RIC1: variants seen among roughly 807,000 people sequenced by gnomAD.
The protein encoded by RIC1 is RIC1 partner of RAB6A GEF complex.
Under a neutral mutation model 169.0 loss-of-function variants are expected in RIC1, and 88 were observed. The ratio of observed to expected loss-of-function variants is 0.52; its 90% CI spans 0.44 to 0.62. The LOEUF is 0.62. Ranked by LOEUF, RIC1 falls within the 20% of genes least tolerant of loss-of-function variation. The probability of loss-of-function intolerance (pLI) is 0.00; values close to 1 mark genes in which losing one functional copy is unlikely to be tolerated. For synonymous variants in RIC1, 790 were observed against 601.5 expected (o/e 1.31, Z -4.59); for missense variants, 1,877 against 1,725.5 (o/e 1.09, Z -1.56).
chr9:5,760,336 T>A (rs1221294644), intron 17 of RIC1, among the ~76,000 whole-genome samples: 2 of 152,210 alleles, frequency 1.3e-5, no homozygotes, highest in African/African-American at 4.8e-5. Flanking sequence ...GCTGTTGCAG[T>A]CATCTTTAAC....
chr9:5,669,920 T>C (rs1819992340), intron 2 of RIC1, among the ~76,000 whole-genome samples: 1 of 152,128 alleles, frequency 6.6e-6, no homozygotes, highest in African/African-American at 2.4e-5. Flanking sequence ...AGCCACCTAA[T>C]CAGATATCAA....
intron 8 of RIC1, among the ~76,000 whole-genome samples, chr9:5,738,955 A>G (rs569476721): frequency 1.3e-5 from 2 of 152,120 alleles, no homozygotes; most frequent in African/African-American, 2.4e-5. Context: ...GGCCCCTGCT[A>G]CCTCCGGATC....
Position 5,636,469 on chromosome 9 carries a change from G to A in RIC1, c.144+7016G>A, listed in dbSNP as rs534528499. On this transcript the variant is annotated intron_variant, in intron 1 of 25. Transcript: ENST00000414202. ...TGAGTAGCTGGGATTACAGGTGCCTGCCACCATACCCGGCTAATTTTTGTA... is the reference window on the plus strand; with the variant it reads ...TGAGTAGCTGGGATTACAGGTGCCTACCACCATACCCGGCTAATTTTTGTA... 1.3e-3 allele frequency among the ~76,000 whole-genome samples: 196 copies of A among 152,106 alleles called. 2 individuals carry two copies. The highest frequency in any genetic ancestry group is 4.3e-3 in the African/African-American group (180 of 41,510).
In RIC1 at chr9:5,769,675, T is replaced by C. The variant is rs552032363; in HGVS notation, c.3425-412T>C. ...AGAGGACAAACTGAAAGTGTATATT[T>C]TGGTGAAATAAAAATTTAAAGTTTT... On this transcript the variant is annotated intron_variant, in intron 22 of 25. Coordinates refer to ENST00000414202, the MANE Select transcript of RIC1 (RefSeq NM_020829.4). 3.8e-5 allele frequency: 10 copies of C among 266,108 alleles called. No homozygotes were observed. In the South Asian group the frequency reaches 7.7e-4, roughly 20 times the overall value. 16.5% of individuals were successfully genotyped at this position (266,108 alleles called of 1,614,324 possible).
chr9:5,674,529 G>C (rs924156915), intron 2 of RIC1, among the ~76,000 whole-genome samples: 3 of 151,988 alleles, frequency 2.0e-5, no homozygotes, highest in Non-Finnish European at 4.4e-5. Flanking sequence ...ACTCCAAAAG[G>C]GAAAAAATAA....
intron 17 of RIC1, among the ~76,000 whole-genome samples, chr9:5,761,181 T>G (rs1260972583): frequency 6.7e-6 from 1 of 149,018 alleles, no homozygotes; most frequent in African/African-American, 2.5e-5. Context: ...TGGTGCAATC[T>G]TGGCTCACTG....
intron 1 of RIC1, among the ~76,000 whole-genome samples, chr9:5,642,243 T>TCC (rs1818286477): frequency 1.4e-5 from 2 of 144,386 alleles, no homozygotes; most frequent in Non-Finnish European, 3.0e-5. Flanking sequence ...ACAAATGGAG[T>TCC]CTCTCTCTGT....
chr9:5,654,474 C>T (rs1023163056), intron 1 of RIC1, among the ~76,000 whole-genome samples: 3 of 152,150 alleles, frequency 2.0e-5, no homozygotes, highest in African/African-American at 7.2e-5. Context: ...TCTCGAACTC[C>T]TGACCTCAGG....
chr9:5,630,406 C>T (rs1817663320), intron 1 of RIC1, among the ~76,000 whole-genome samples: 2 of 152,098 alleles, frequency 1.3e-5, no homozygotes, highest in South Asian at 4.1e-4. Flanking sequence ...TTAATTTGAC[C>T]ATGTGGGGAT....
At chr9:5,671,353 C>G (rs1379586384) in intron 2 of RIC1, among the ~76,000 whole-genome samples, 1 of 151,632 alleles carries the variant, frequency 6.6e-6, no homozygotes, top group African/African-American at 2.4e-5. Context: ...CTGCTCACTG[C>G]AACCTCCGCC....
At chr9:5,693,359 A>G (rs1821697702) in intron 3 of RIC1, among the ~76,000 whole-genome samples, 1 of 152,154 alleles carries the variant, frequency 6.6e-6, no homozygotes, top group Non-Finnish European at 1.5e-5. Context: ...AACACAGTTC[A>G]GATGCCTCAT....
chr9:5,661,423 G>A (rs1035825360), intron 2 of RIC1, among the ~76,000 whole-genome samples: 20 of 152,270 alleles, frequency 1.3e-4, no homozygotes, highest in Admixed American at 3.9e-4. Flanking sequence ...ATTACTTTGG[G>A]TAGTATAACC....
rs1824428149 is a variant in RIC1 at position 5,732,489 on chromosome 9, A to C, written c.812+10A>C. ...CATTTGGCTGTGTGAGGTATAATTG[A>C]TGTAGGCTTTTGCATTTTTAAGAGT... On this transcript the variant is annotated intron_variant, in intron 7 of 25. Coordinates refer to ENST00000414202, the MANE Select transcript of RIC1 (RefSeq NM_020829.4). 11 of 1,560,638 alleles carry C rather than the reference A, an allele frequency of 7.0e-6. No individual in the cohort carries two copies. The highest frequency in any genetic ancestry group is 9.6e-6 in the Non-Finnish European group (11 of 1,149,620).
In RIC1 at chr9:5,690,014, A is replaced by G. The variant is rs931956772; in HGVS notation, c.308A>G (p.Tyr103Cys). ...ATTACATCTACAAGAGGGGACAAGT[A>G]CCTTTATGAACCAGTGTATCCCAAG... Reference protein sequence around the residue: ...FHITSTRGDKYLYEPVYPKGS... With the variant: ...FHITSTRGDKCLYEPVYPKGS... Residue 103 changes from tyrosine to cysteine, a missense_variant, in exon 3 of 26, where the codon TAC becomes TGC. Physicochemically the swap from Tyr to Cys is radical, Grantham distance 194. This residue lies in a region of RIC1 where 1,104 missense variants were observed against 992.0 expected (regional missense o/e 1.11). Coordinates refer to ENST00000414202, the MANE Select transcript of RIC1 (RefSeq NM_020829.4). 2 of 1,599,618 alleles carry G rather than the reference A, an allele frequency of 1.3e-6. No homozygotes were observed. Among genetic ancestry groups the G allele is most frequent in the Non-Finnish European group, 1.7e-6 (2 of 1,174,820 alleles).
At chr9:5,729,556 T>G (rs550014989) in intron 6 of RIC1, among the ~76,000 whole-genome samples, 5 of 152,300 alleles carry the variant, frequency 3.3e-5, no homozygotes, top group East Asian at 1.9e-4. Flanking sequence ...CTTTGCTGCT[T>G]TATGTTTTTT....
At chr9:5,752,580 A>G (rs1411320926) in intron 12 of RIC1, among the ~76,000 whole-genome samples, 7 of 151,920 alleles carry the variant, frequency 4.6e-5, no homozygotes, top group African/African-American at 7.3e-5. Flanking sequence ...AGTTGGGACT[A>G]CAGGCATGCA....
chr9:5,769,124 C>A lies in RIC1; in HGVS notation c.3292C>A (p.Arg1098Ser), dbSNP rs570380714. The change falls in exon 22 of 26, where the codon CGT becomes AGT. Residue 1098 changes from arginine to serine, a missense_variant. Physicochemically the swap from Arg to Ser is moderately radical, Grantham distance 110. This residue lies in a region of RIC1 where 681 missense variants were observed against 582.0 expected (regional missense o/e 1.17). Transcript: ENST00000414202. ...ACTAATTAGTTGGCTATGCAAGGAACGTACCCGAGCCGCCCGGGTAGACAA... is the reference window on the plus strand; with the variant it reads ...ACTAATTAGTTGGCTATGCAAGGAAAGTACCCGAGCCGCCCGGGTAGACAA... ...FELISWLCKE[R>S]TRAARVDNFV... 1 of 1,613,974 alleles carries A rather than the reference C, an allele frequency of 6.2e-7. No individual in the cohort carries two copies. Among genetic ancestry groups the A allele is most frequent in the South Asian group, 1.1e-5 (1 of 91,084 alleles).
chr9:5,700,014 CTTT>C (rs374631629), intron 3 of RIC1, among the ~76,000 whole-genome samples: 3 of 142,650 alleles, frequency 2.1e-5, no homozygotes, highest in Admixed American at 7.0e-5. Flanking sequence ...AAAATTCCTA[CTTT>C]TTTTTTTTTT....
intron 2 of RIC1, among the ~76,000 whole-genome samples, chr9:5,674,868 A>G (rs1296536069): frequency 6.6e-6 from 1 of 152,236 alleles, no homozygotes; most frequent in Admixed American, 6.5e-5. Flanking sequence ...TTCCGGGCAT[A>G]TGCTTAACCT....
Sources: gnomAD v4.1 joint callset for allele counts (sites outside exome capture counted in the v4.1 genomes callset) on GRCh38, gnomAD v4.1.1 for gene constraint, gnomAD v4.1.1 regional missense constraint, MANE v1.5 for transcripts, NCBI Gene and HGNC (gene_info 2026-07-23, HGNC 2026-07-21) for gene names.